The following CADPS2 variants were observed in gnomAD, a reference collection of about 807,000 sequenced individuals.
CADPS2 encodes the protein calcium-dependent secretion activator 2.
A neutral mutation model predicts 172.5 loss-of-function variants in CADPS2; 93 were observed. The ratio of observed to expected loss-of-function variants is 0.54; its 90% CI spans 0.46 to 0.64. The LOEUF (loss-of-function observed/expected upper bound fraction) is 0.64. Ranked by LOEUF, CADPS2 falls within the 30% of genes least tolerant of loss-of-function variation. The probability of loss-of-function intolerance (pLI) is 0.00; values close to 1 mark genes in which losing one functional copy is unlikely to be tolerated. For synonymous variants in CADPS2, 546 were observed against 555.2 expected (o/e 0.98, Z 0.23); for missense variants, 1,420 against 1,565.9 (o/e 0.91, Z 1.57).
chr7:122,716,975 A>C (rs763227081), intron 2 of CADPS2, among the ~76,000 whole-genome samples: 7 of 152,182 alleles, frequency 4.6e-5, no homozygotes, highest in Non-Finnish European at 8.8e-5. Context: ...AAATGTTGAC[A>C]AACTCTGTAA....
At position 122,712,045 on chromosome 7, in the gene CADPS2, T is replaced by C. The variant is rs577220638; in HGVS notation, c.453+24910A>G. On this transcript the variant is annotated intron_variant, in intron 2 of 29. Transcript: ENST00000449022. ...TTAAATTTAAAAAAAAACACTCTTG[T>C]ATCTTTTAAGCAATAAGCACTATTT... 3.3e-5 allele frequency among the ~76,000 whole-genome samples: 5 copies of C among 152,304 alleles called. No homozygotes were observed. The South Asian group carries it at 1.0e-3, about 32-fold the overall frequency.
intron 2 of CADPS2, among the ~76,000 whole-genome samples, chr7:122,691,843 C>G (rs1427212357): frequency 6.6e-6 from 1 of 152,188 alleles, no homozygotes; most frequent in Non-Finnish European, 1.5e-5. Context: ...CAGAATGTCT[C>G]CAGGCATGGG....
chr7:122,388,381 G>C (rs376570359), intron 23 of CADPS2, among the ~76,000 whole-genome samples: 15 of 152,064 alleles, frequency 9.9e-5, no homozygotes, highest in African/African-American at 3.4e-4. Flanking sequence ...ATAGTTGGGA[G>C]ACCTGAAAAA....
rs2081833963 is a variant in CADPS2, at chr7:122,671,357, C to A, written c.454-7788G>T. On this transcript the variant is annotated intron_variant, in intron 2 of 29. Coordinates refer to ENST00000449022, the MANE Select transcript of CADPS2 (RefSeq NM_017954.11). ...CAATGATTTAATTCCCCCATCCATGCACATGTATAATTTAAATAATTAATG... is the reference window on the plus strand; with the variant it reads ...CAATGATTTAATTCCCCCATCCATGAACATGTATAATTTAAATAATTAATG... Among the ~76,000 whole-genome samples the A allele has an allele frequency of 1.3e-5, 2 of 152,122 alleles. 1 individual carries two copies. Among genetic ancestry groups the A allele is most frequent in the Admixed American group, 1.3e-4 (2 of 15,274 alleles).
At chr7:122,583,580 A>ATG (rs201034244) in intron 6 of CADPS2, among the ~76,000 whole-genome samples, 1,717 of 151,464 alleles carry the variant, frequency 0.011, 31 homozygotes, top group African/African-American at 0.039. Flanking sequence ...ATCAGAATAT[A>ATG]TGTGTGTGTA....
intron 1 of CADPS2, among the ~76,000 whole-genome samples, chr7:122,862,029 C>T (rs1817080482): frequency 6.6e-6 from 1 of 152,114 alleles, no homozygotes; most frequent in Admixed American, 6.5e-5. Context: ...CTATTTCCTA[C>T]AAAGATGGCA....
intron 19 of CADPS2, chr7:122,409,575 G>A (rs542612931): frequency 4.1e-5 from 19 of 458,296 alleles, no homozygotes; most frequent in Non-Finnish European, 7.4e-5. Flanking sequence ...TACTCCTGAT[G>A]ATGCTATTCT....
chr7:122,693,864 T>A (rs11768271), intron 2 of CADPS2, among the ~76,000 whole-genome samples: 18 of 151,958 alleles, frequency 1.2e-4, no homozygotes, highest in Non-Finnish European at 2.4e-4. Flanking sequence ...CTTGGGAGGC[T>A]GAGGAAGGAG....
At chr7:122,325,449 A>C (rs759572309) in intron 29 of CADPS2, 28 bp downstream of exon 29, 2 of 1,421,508 alleles carry the variant, frequency 1.4e-6, no homozygotes, top group Non-Finnish European at 2.0e-6. Context: ...CTTAGTGGGC[A>C]ATTCATATCT....
intron 6 of CADPS2, among the ~76,000 whole-genome samples, chr7:122,593,828 G>A (rs2071302744): frequency 6.6e-6 from 1 of 151,954 alleles, no homozygotes; most frequent in South Asian, 2.1e-4. Flanking sequence ...CTGAGGAGAG[G>A]AAGAGAAAGG....
intron 2 of CADPS2, among the ~76,000 whole-genome samples, chr7:122,703,396 T>G (rs1487579626): frequency 6.6e-6 from 1 of 152,126 alleles, no homozygotes; most frequent in Admixed American, 6.6e-5. Context: ...CTACCCAGTA[T>G]GGCATTCTGT....
intron 3 of CADPS2, among the ~76,000 whole-genome samples, chr7:122,660,679 G>C (rs1447225222): frequency 6.6e-6 from 1 of 151,804 alleles, no homozygotes; most frequent in Non-Finnish European, 1.5e-5. Flanking sequence ...GGGAGGCCGA[G>C]GCGGGCGGAT....
intron 28 of CADPS2, among the ~76,000 whole-genome samples, chr7:122,345,115 TTTTTA>T (rs1195821363): frequency 6.6e-6 from 1 of 151,856 alleles, no homozygotes. Context: ...TGGCTTCAAC[TTTTTA>T]TTTTTTTATT....
At chr7:122,710,942 G>C (rs888835706) in intron 2 of CADPS2, among the ~76,000 whole-genome samples, 5 of 152,038 alleles carry the variant, frequency 3.3e-5, no homozygotes, top group African/African-American at 9.7e-5. Context: ...AATAAAACTT[G>C]CTCAAGGTCC....
chr7:122,621,335 G>A (rs1470042344), intron 5 of CADPS2, 146 bp downstream of exon 5: 1 of 596,992 alleles, frequency 1.7e-6, no homozygotes, highest in Non-Finnish European at 2.9e-6. Context: ...TATATAAGCT[G>A]AGTGTCCAAC....
intron 9 of CADPS2, among the ~76,000 whole-genome samples, chr7:122,497,124 A>G (rs1293956540): frequency 2.0e-5 from 3 of 152,048 alleles, no homozygotes; most frequent in African/African-American, 7.2e-5. Flanking sequence ...ATCTTCTTGT[A>G]CAGTCACAAA....
Position 122,886,368 on chromosome 7 carries a change from C to A in CADPS2, c.-31G>T. The A allele has an allele frequency of 4.7e-6, 7 of 1,487,642 alleles. No homozygotes were observed. The highest frequency in any genetic ancestry group is 6.2e-6 in the Non-Finnish European group (7 of 1,127,662). The allele number at this position is 1,487,642 out of a possible 1,614,324, so 92.2% of individuals were successfully genotyped here. A position where few individuals can be genotyped will look rare whatever the true frequency, so the allele number is the denominator to read the frequency against. ...TCGGGGATCCCCGCCGCTCGGCCCG[C>A]GGTCCCCAAGCGCCTCACCCCCGGC... On this transcript the variant is annotated 5_prime_UTR_variant, in exon 1 of 30. Transcript: ENST00000449022.
At chr7:122,551,760 T>C (rs1323839579) in intron 8 of CADPS2, among the ~76,000 whole-genome samples, 1 of 152,162 alleles carries the variant, frequency 6.6e-6, no homozygotes, top group Non-Finnish European at 1.5e-5. Context: ...TATCCATCTG[T>C]TAATTATTGA....
chr7:122,603,986 T>C (rs1173280066), intron 6 of CADPS2, among the ~76,000 whole-genome samples: 1 of 152,134 alleles, frequency 6.6e-6, no homozygotes, highest in African/African-American at 2.4e-5. Context: ...ATGATGGATA[T>C]AGTAACTTGA....
Sources: allele counts gnomAD v4.1 joint callset (sites outside exome capture counted in the v4.1 genomes callset), GRCh38; gene constraint gnomAD v4.1.1; transcripts MANE v1.5; gene names NCBI Gene and HGNC (gene_info 2026-07-23, HGNC 2026-07-21).